CHCHD3: variants seen among roughly 807,000 people sequenced by gnomAD.
The protein encoded by CHCHD3 is MICOS complex subunit MIC19.
CHCHD3 carries 20 observed loss-of-function variants against 38.2 expected under a neutral mutation model. That is an observed-to-expected ratio of 0.52 (90% confidence interval 0.37 to 0.76). CHCHD3 has a LOEUF of 0.76. Among genes scored for constraint, CHCHD3 ranks in the 30% least tolerant of loss-of-function variants. CHCHD3 has a pLI of 0.00. For missense variants in CHCHD3, 245 were observed against 279.2 expected (o/e 0.88, Z 0.87); for synonymous variants, 82 against 100.0 (o/e 0.82, Z 1.07).
Position 133,061,434 on chromosome 7 carries a change from T to C in CHCHD3, c.169+8708A>G, listed in dbSNP as rs1462957747. On this transcript the variant is annotated intron_variant, in intron 2 of 7. Transcript: ENST00000262570. ...ACAGACAAGGTCTGCGAGTGACCCT[T>C]GCAGGACTATAGCAATGATGGGTGT... Among the ~76,000 whole-genome samples the C allele has an allele frequency of 2.7e-5, 4 of 149,486 alleles. No homozygotes were observed. In the East Asian group the frequency reaches 7.9e-4, roughly 29 times the overall value.
chr7:132,921,842 C>G (rs1810271204), intron 4 of CHCHD3, among the ~76,000 whole-genome samples: 1 of 152,226 alleles, frequency 6.6e-6, no homozygotes, highest in African/African-American at 2.4e-5. Flanking sequence ...AATTTCCCTA[C>G]AGATCTTATG....
chr7:132,902,937 A>G (rs1809706868), intron 4 of CHCHD3, among the ~76,000 whole-genome samples: 1 of 152,200 alleles, frequency 6.6e-6, no homozygotes, highest in Non-Finnish European at 1.5e-5. Flanking sequence ...AAATTCTAGA[A>G]ACTCCTGTCA....
chr7:133,059,507 A>G (rs976917202), intron 2 of CHCHD3, among the ~76,000 whole-genome samples: 1 of 152,158 alleles, frequency 6.6e-6, no homozygotes, highest in Non-Finnish European at 1.5e-5. Context: ...AAAACTTGTC[A>G]AGTCTACACA....
At chr7:132,992,160 G>A (rs770572212) in intron 3 of CHCHD3, among the ~76,000 whole-genome samples, 14 of 152,290 alleles carry the variant, frequency 9.2e-5, no homozygotes, top group Admixed American at 3.3e-4. Flanking sequence ...GCTTCCTATC[G>A]CGTCACTCGG....
intron 4 of CHCHD3, among the ~76,000 whole-genome samples, chr7:132,893,021 G>A (rs1221420415): frequency 6.6e-6 from 1 of 152,204 alleles, no homozygotes; most frequent in African/African-American, 2.4e-5. Flanking sequence ...CTGGGGCACT[G>A]CCTAGTGGAC....
chr7:132,933,959 C>T lies in CHCHD3; in HGVS notation c.369+41210G>A, dbSNP rs187290468. On this transcript the variant is annotated intron_variant, in intron 4 of 7. Coordinates refer to ENST00000262570, the MANE Select transcript of CHCHD3 (RefSeq NM_017812.4). Reference sequence around the variant, plus strand: ...CAAAGGTACAGAAGAAGTTGCCTTGCCTTCAGCCTAAACTTAATGGGTATT... The same window carrying T: ...CAAAGGTACAGAAGAAGTTGCCTTGTCTTCAGCCTAAACTTAATGGGTATT... Among the ~76,000 whole-genome samples the T allele has an allele frequency of 1.6e-3, 238 of 152,306 alleles. 4 individuals carry two copies. Among genetic ancestry groups the T allele is most frequent in the Admixed American group, 0.015 (225 of 15,290 alleles).
intron 4 of CHCHD3, among the ~76,000 whole-genome samples, chr7:132,940,909 T>G (rs906050392): frequency 9.2e-5 from 14 of 152,126 alleles, no homozygotes; most frequent in Admixed American, 1.3e-4. Context: ...TCATTTTTAG[T>G]AGAAGAGTCC....
chr7:133,002,742 A>G (rs1364807074), intron 3 of CHCHD3, among the ~76,000 whole-genome samples: 1 of 152,160 alleles, frequency 6.6e-6, no homozygotes, highest in Non-Finnish European at 1.5e-5. Flanking sequence ...TTTCTTATCA[A>G]ATATCTATAG....
At chr7:132,986,909 A>G (rs1812138053) in intron 3 of CHCHD3, among the ~76,000 whole-genome samples, 2 of 152,346 alleles carry the variant, frequency 1.3e-5, no homozygotes, top group East Asian at 3.9e-4. Flanking sequence ...CCTGAGCCTC[A>G]TAGGGAAAAG....
chr7:132,913,948 CTTTTTTT>C (rs71178066), intron 4 of CHCHD3, among the ~76,000 whole-genome samples: 1 of 102,332 alleles, frequency 9.8e-6, no homozygotes. Context: ...TTTTCTTTTT[CTTTTTTT>C]TTTTTTTTTT....
At chr7:132,889,167 A>C (rs1356806659) in intron 4 of CHCHD3, among the ~76,000 whole-genome samples, 1 of 152,084 alleles carries the variant, frequency 6.6e-6, no homozygotes, top group East Asian at 1.9e-4. Flanking sequence ...AAATTTAACA[A>C]CTTGAACAGT....
intron 4 of CHCHD3, among the ~76,000 whole-genome samples, chr7:132,921,941 A>G (rs1347587756): frequency 6.6e-6 from 1 of 152,202 alleles, no homozygotes; most frequent in Non-Finnish European, 1.5e-5. Context: ...GGAAAGAAAG[A>G]CTTAACAAGA....
In CHCHD3 at chr7:132,998,915, G is replaced by C. The variant is rs186934988; in HGVS notation, c.252-23629C>G. Among the ~76,000 whole-genome samples, 17 of 152,238 alleles carry C rather than the reference G, an allele frequency of 1.1e-4. No homozygotes were observed. In the East Asian group the frequency reaches 3.3e-3, roughly 29 times the overall value. On this transcript the variant is annotated intron_variant, in intron 3 of 7. Coordinates refer to ENST00000262570, the MANE Select transcript of CHCHD3 (RefSeq NM_017812.4). Reference sequence around the variant, plus strand: ...AGCATTAAAACAGCAAGGAGAAGAGGATTTACTGACAAATCAGTTAACTAA... The same window carrying C: ...AGCATTAAAACAGCAAGGAGAAGAGCATTTACTGACAAATCAGTTAACTAA...
intron 4 of CHCHD3, among the ~76,000 whole-genome samples, chr7:132,894,011 G>A (rs1809433754): frequency 6.6e-6 from 1 of 152,148 alleles, no homozygotes; most frequent in Admixed American, 6.5e-5. Flanking sequence ...AAAAATGAAT[G>A]ATTTTTGAAA....
At chr7:132,948,069 TTTTTG>T (rs1193344005) in intron 4 of CHCHD3, among the ~76,000 whole-genome samples, 1 of 152,056 alleles carries the variant, frequency 6.6e-6, no homozygotes, top group African/African-American at 2.4e-5. Flanking sequence ...CAAGACTAGT[TTTTTG>T]TTTTGTTTTC....
At chr7:132,959,080 T>C (rs11977856) in intron 4 of CHCHD3, among the ~76,000 whole-genome samples, 2,154 of 152,268 alleles carry the variant, frequency 0.014, 52 homozygotes, top group African/African-American at 0.048. Context: ...TCAGGCCAAA[T>C]AGAGAAGAAA....
At chr7:132,818,261 C>T (rs573215942) in intron 6 of CHCHD3, among the ~76,000 whole-genome samples, 8 of 152,340 alleles carry the variant, frequency 5.3e-5, no homozygotes, top group African/African-American at 1.9e-4. Context: ...TAGCTGTTAT[C>T]AATCTTCATA....
chr7:132,815,938 C>T (rs559172082), intron 6 of CHCHD3, among the ~76,000 whole-genome samples: 2 of 152,284 alleles, frequency 1.3e-5, no homozygotes, highest in African/African-American at 2.4e-5. Context: ...TCATAGCCTC[C>T]GAATCCTTTT....
chr7:132,904,102 T>A (rs1279261884), intron 4 of CHCHD3, among the ~76,000 whole-genome samples: 6 of 150,912 alleles, frequency 4.0e-5, no homozygotes, highest in Non-Finnish European at 7.4e-5. Context: ...ACAAAAGATT[T>A]AAAAAAAAAT....
Sources: gnomAD v4.1 joint callset for allele counts (sites outside exome capture counted in the v4.1 genomes callset) on GRCh38, gnomAD v4.1.1 for gene constraint, MANE v1.5 for transcripts, NCBI Gene and HGNC (gene_info 2026-07-23, HGNC 2026-07-21) for gene names.